Variants in BIRC6 observed in about 807,000 individuals in gnomAD.
BIRC6 encodes dual E2 ubiquitin-conjugating enzyme/E3 ubiquitin-protein ligase BIRC6.
BIRC6 carries 98 observed loss-of-function variants against 503.3 expected under a neutral mutation model. The ratio of observed to expected loss-of-function variants is 0.19; its 90% confidence interval spans 0.17 to 0.23. The LOEUF is 0.23. Ranked by LOEUF, BIRC6 falls within the 10% of genes least tolerant of loss-of-function variation. The pLI is 1.00. For missense variants in BIRC6, 5,360 were observed against 5,806.0 expected (o/e 0.92, Z 2.50); for synonymous variants, 2,240 against 2,078.7 (o/e 1.08, Z -2.11).
intron 57 of BIRC6, 87 bp downstream of exon 57, chr2:32,519,033 A>T: frequency 7.5e-7 from 1 of 1,327,906 alleles, no homozygotes; most frequent in Non-Finnish European, 1.0e-6. Flanking sequence ...TATTTTCTGC[A>T]TCCACTTTGC....
At chr2:32,535,005 A>C (rs1199143787) in intron 61 of BIRC6, among the ~76,000 whole-genome samples, 3 of 151,738 alleles carry the variant, frequency 2.0e-5, no homozygotes, top group Non-Finnish European at 2.9e-5. Context: ...GTCATGGTAA[A>C]AGTGGTTAAA....
intron 65 of BIRC6, among the ~76,000 whole-genome samples, chr2:32,559,434 T>G (rs1303371532): frequency 6.6e-6 from 1 of 152,184 alleles, no homozygotes; most frequent in African/African-American, 2.4e-5. Context: ...CAATGAAGTA[T>G]GTGTAAAGGA....
intron 23 of BIRC6, among the ~76,000 whole-genome samples, chr2:32,455,100 C>T (rs2047096011): frequency 6.6e-6 from 1 of 152,020 alleles, no homozygotes; most frequent in Admixed American, 6.6e-5. Context: ...TATCCTGGGC[C>T]TGGCGCGGTG....
In BIRC6 at chr2:32,357,676, T is replaced by C. The variant is rs527342483; in HGVS notation, c.325+190T>C. Among the ~76,000 whole-genome samples the C allele has an allele frequency of 7.3e-5, 11 of 151,638 alleles. No homozygotes were observed. The highest frequency in any genetic ancestry group is 1.2e-4 in the African/African-American group (5 of 41,364). On this transcript the variant is annotated intron_variant, in intron 1 of 73. Transcript: ENST00000421745. The surrounding 1 kb of genome is among the most constrained non-coding windows in gnomAD (Gnocchi z 4.9). ...GACTTGGCTTTTTCAGCGGCTGCAG[T>C]TGGGAGGAAAGACCGGCGAGTCAGG...
At chr2:32,445,421 T>C (rs1230620234) in intron 20 of BIRC6, 100 bp from the exon 21 acceptor site, 1 of 1,190,882 alleles carries the variant, frequency 8.4e-7, no homozygotes, top group African/African-American at 1.6e-5. Flanking sequence ...AGTATCTTTC[T>C]AGCAAAAGGA....
intron 26 of BIRC6, among the ~76,000 whole-genome samples, chr2:32,467,312 C>T (rs2048664539): frequency 6.6e-6 from 1 of 152,156 alleles, no homozygotes; most frequent in African/African-American, 2.4e-5. Context: ...TAATTTTCTA[C>T]TTACGTCTTG....
Position 32,518,299 on chromosome 2 carries a change from C to A in BIRC6, c.11395C>A (p.Pro3799Thr). 6.2e-7 allele frequency: 1 copy of A among 1,613,000 alleles called. No homozygotes were observed. Among genetic ancestry groups the A allele is most frequent in the Non-Finnish European group, 8.5e-7 (1 of 1,179,550 alleles). ...FQTSPQRGNLPTSGNISGFIR... is the reference protein window; with the variant it reads ...FQTSPQRGNLTTSGNISGFIR... ...GACATCTCCTCAAAGAGGGAACCTTCCAACATCTGGGAACATTTCAGGGTT... is the reference window on the plus strand; with the variant it reads ...GACATCTCCTCAAAGAGGGAACCTTACAACATCTGGGAACATTTCAGGGTT... The change falls in exon 56 of 74, where the codon CCA becomes ACA. Residue 3799 changes from proline to threonine, a missense_variant. Pro to Thr is a conservative substitution (Grantham distance 38, BLOSUM62 -1). Transcript: ENST00000421745.
intron 50 of BIRC6, among the ~76,000 whole-genome samples, chr2:32,505,868 T>C (rs909543814): frequency 6.6e-6 from 1 of 152,170 alleles, no homozygotes; most frequent in Admixed American, 6.5e-5. Context: ...GCTTTTTTTT[T>C]TGAGGCAGGG....
chr2:32,482,347 G>C, intron 38 of BIRC6, 82 bp from the exon 39 acceptor site: 15 of 1,334,482 alleles, frequency 1.1e-5, no homozygotes, highest in Admixed American at 2.1e-5. Context: ...TTGTAGTTCT[G>C]TTTGGGTTTA....
intron 39 of BIRC6, among the ~76,000 whole-genome samples, 173 bp downstream of exon 39, chr2:32,482,755 T>A (rs918753505): frequency 6.6e-6 from 1 of 152,176 alleles, no homozygotes; most frequent in African/African-American, 2.4e-5. Flanking sequence ...TTAGAGGAAC[T>A]TCTATCTTTT....
chr2:32,542,362 C>T (rs922641319), intron 61 of BIRC6, among the ~76,000 whole-genome samples: 1 of 152,026 alleles, frequency 6.6e-6, no homozygotes, highest in African/African-American at 2.4e-5. Context: ...GCTCAAAGAA[C>T]GATGGGGGAC....
At chr2:32,408,611 G>C (rs1004887932) in intron 9 of BIRC6, among the ~76,000 whole-genome samples, 3 of 152,028 alleles carry the variant, frequency 2.0e-5, no homozygotes, top group South Asian at 2.1e-4. Flanking sequence ...TACAATACTC[G>C]TATTTGGCCA....
At chr2:32,611,994 G>C (rs2062909427) in intron 73 of BIRC6, among the ~76,000 whole-genome samples, 1 of 152,114 alleles carries the variant, frequency 6.6e-6, no homozygotes, top group African/African-American at 2.4e-5. Context: ...TCCCACCTCA[G>C]CTTCCCATGT....
intron 65 of BIRC6, among the ~76,000 whole-genome samples, chr2:32,555,177 T>C (rs2058687651): frequency 6.6e-6 from 1 of 152,206 alleles, no homozygotes; most frequent in African/African-American, 2.4e-5. Flanking sequence ...TAATAGTTCA[T>C]ATGAAACTGT....
intron 65 of BIRC6, among the ~76,000 whole-genome samples, chr2:32,560,135 T>TA (rs1205688974): frequency 1.3e-5 from 2 of 152,206 alleles, no homozygotes; most frequent in East Asian, 1.9e-4. Context: ...AAAGCATACT[T>TA]ACGTAACTAA....
At chr2:32,392,263 T>G (rs2039325703) in intron 5 of BIRC6, 113 bp downstream of exon 5, 1 of 719,044 alleles carries the variant, frequency 1.4e-6, no homozygotes, top group African/African-American at 1.8e-5. Context: ...CTTGTATGCT[T>G]GCTTGTATGC....
chr2:32,394,637 G>T (rs1338252363), intron 5 of BIRC6, among the ~76,000 whole-genome samples: 1 of 152,066 alleles, frequency 6.6e-6, no homozygotes, highest in Non-Finnish European at 1.5e-5. Context: ...TTTGAGACCA[G>T]CCTGGATGCT....
intron 65 of BIRC6, among the ~76,000 whole-genome samples, chr2:32,567,073 C>T (rs1356265554): frequency 6.6e-6 from 1 of 152,162 alleles, no homozygotes; most frequent in East Asian, 1.9e-4. Context: ...AGGGTTCAAG[C>T]GATTCACCTG....
intron 69 of BIRC6, among the ~76,000 whole-genome samples, chr2:32,598,700 A>G (rs762284063): frequency 1.4e-4 from 22 of 152,154 alleles, no homozygotes; most frequent in Non-Finnish European, 3.1e-4. Flanking sequence ...CTATTGGCCC[A>G]TTGACTTGTA....
Sources: gnomAD v4.1 joint callset for allele counts (sites outside exome capture counted in the v4.1 genomes callset) on GRCh38, gnomAD v4.1.1 for gene constraint, Gnocchi (gnomAD v3.1) non-coding constraint, MANE v1.5 for transcripts, NCBI Gene and HGNC (gene_info 2026-07-23, HGNC 2026-07-21) for gene names.